The following TXNL4A variants were observed in gnomAD, a reference collection of about 807,000 sequenced individuals.
TXNL4A encodes thioredoxin like 4A.
TXNL4A carries 17 observed loss-of-function variants against 14.6 expected under a neutral mutation model. The observed-to-expected ratio is 1.16, with a 90% CI of 0.80 to 1.74. TXNL4A has a LOEUF of 1.74. TXNL4A is among the 40% of genes most tolerant of loss of function. The pLI, the probability that TXNL4A is intolerant of heterozygous loss-of-function variation, is 0.00. For synonymous variants in TXNL4A, 83 were observed against 70.6 expected (o/e 1.18, Z -0.88); for missense variants, 74 against 195.2 (o/e 0.38, Z 3.70).
intron 1 of TXNL4A, among the ~76,000 whole-genome samples, chr18:80,008,445 C>T (rs1376187111): frequency 1.3e-5 from 2 of 152,094 alleles, no homozygotes; most frequent in African/African-American, 4.8e-5. Flanking sequence ...CTGGTCCTCT[C>T]CTTTTGTCAT....
intron 1 of TXNL4A, among the ~76,000 whole-genome samples, chr18:79,980,766 A>T (rs959451461): frequency 4.6e-5 from 7 of 152,112 alleles, no homozygotes; most frequent in African/African-American, 1.7e-4. Context: ...CACACGGCCC[A>T]CTGCAGGAGC....
At chr18:80,008,440 C>T (rs543684351) in intron 1 of TXNL4A, among the ~76,000 whole-genome samples, 9 of 152,142 alleles carry the variant, frequency 5.9e-5, no homozygotes, top group Non-Finnish European at 2.9e-5. Context: ...CATGCCTGGT[C>T]CTCTCCTTTT....
At chr18:79,990,983 C>T (rs1319510387), upstream of TXNL4A, among the ~76,000 whole-genome samples, 8 of 152,076 alleles carry the variant, frequency 5.3e-5, no homozygotes, top group East Asian at 1.5e-3. Flanking sequence ...TGGCGGGCGC[C>T]TGTAGTCCCA....
chr18:79,988,553 G>A lies in TXNL4A; in HGVS notation c.-161C>T. The A allele has an allele frequency of 6.8e-6, 5 of 740,122 alleles. No individual in the cohort carries two copies. The highest frequency in any genetic ancestry group is 5.2e-5 in the South Asian group (1 of 19,080). 45.8% of individuals were successfully genotyped at this position (740,122 alleles called of 1,614,324 possible). On this transcript the variant is annotated 5_prime_UTR_variant, in exon 1 of 3. Coordinates refer to ENST00000269601, the MANE Select transcript of TXNL4A (RefSeq NM_006701.5). ...CAAACTCCGCTGGGACTGCCACCCGGCAGAACGTCTGGGCGCGCACGCACC... is the reference window on the plus strand; with the variant it reads ...CAAACTCCGCTGGGACTGCCACCCGACAGAACGTCTGGGCGCGCACGCACC...
At position 79,988,196 on chromosome 18, in the gene TXNL4A, A is replaced by G; in HGVS notation, c.153+44T>C. The G allele has an allele frequency of 5.5e-6, 8 of 1,460,742 alleles. No homozygotes were observed. In the East Asian group the frequency reaches 2.1e-4, roughly 38 times the overall value. 90.5% of individuals were successfully genotyped at this position (1,460,742 alleles called of 1,614,324 possible). On this transcript the variant is annotated intron_variant, in intron 1 of 2. Coordinates refer to ENST00000269601, the MANE Select transcript of TXNL4A (RefSeq NM_006701.5). ...CCGGCAGGGCAGAGGCGCGGGGCAG[A>G]TGCGGAAGCACAGCCCGCAGAGCGG...
intron 1 of TXNL4A, among the ~76,000 whole-genome samples, chr18:80,007,428 A>C (rs2051738868): frequency 6.6e-6 from 1 of 152,192 alleles, no homozygotes; most frequent in Non-Finnish European, 1.5e-5. Context: ...AGAGAAACAG[A>C]ACAGAGCAGG....
chr18:79,971,773 G>A lies in TXNL4A; in HGVS notation c.*1912C>T, dbSNP rs531018136. 2.6e-5 allele frequency: 4 copies of A among 152,262 alleles called. No homozygotes were observed. In the South Asian group the frequency reaches 6.2e-4, roughly 24 times the overall value. The allele number at this position is 152,262 out of a possible 1,614,324, so 9.4% of individuals were successfully genotyped here. ...GCCGAACTTGTAGGTGTGAAGTGGCGTCTCACTGTGGTTTTGATTTGCACC... is the reference window on the plus strand; with the variant it reads ...GCCGAACTTGTAGGTGTGAAGTGGCATCTCACTGTGGTTTTGATTTGCACC... On this transcript the variant is annotated 3_prime_UTR_variant, in exon 3 of 3. Coordinates refer to ENST00000269601, the MANE Select transcript of TXNL4A (RefSeq NM_006701.5).
chr18:80,006,211 T>C (rs544210347), intron 1 of TXNL4A, among the ~76,000 whole-genome samples: 4 of 152,040 alleles, frequency 2.6e-5, no homozygotes, highest in South Asian at 2.1e-4. Flanking sequence ...TGGTGAAACC[T>C]TGTCTCTACT....
chr18:80,022,899 G>A (rs1036917333), intron 1 of TXNL4A, among the ~76,000 whole-genome samples: 2 of 152,180 alleles, frequency 1.3e-5, no homozygotes, highest in Middle Eastern at 3.2e-3. Flanking sequence ...ACCTGTGCAA[G>A]ACCCTAGCTT....
upstream of TXNL4A, among the ~76,000 whole-genome samples, chr18:79,993,273 G>A (rs550159654): frequency 1.4e-4 from 22 of 152,042 alleles, no homozygotes; most frequent in African/African-American, 4.3e-4. The surrounding 1 kb of genome is among the most constrained non-coding windows in gnomAD (Gnocchi z 4.4). Flanking sequence ...AGGGATCCCT[G>A]ATCTTCCAGT....
chr18:80,006,006 T>A (rs2051727847), intron 1 of TXNL4A, among the ~76,000 whole-genome samples: 2 of 152,106 alleles, frequency 1.3e-5, no homozygotes. Flanking sequence ...AATTTTGTAG[T>A]CCCAAGTACT....
At chr18:79,986,891 T>G (rs116384147) in intron 1 of TXNL4A, 1 of 483,308 alleles carries the variant, frequency 2.1e-6, no homozygotes, top group Admixed American at 6.4e-5. Flanking sequence ...GCTCAAGCAA[T>G]GACAAACTGA....
chr18:80,018,766 C>T (rs980843110), intron 1 of TXNL4A, among the ~76,000 whole-genome samples: 1 of 152,162 alleles, frequency 6.6e-6, no homozygotes, highest in Non-Finnish European at 1.5e-5. Flanking sequence ...AAACAAAATG[C>T]TTTTAACAGC....
At chr18:80,008,190 T>C (rs2051745384) in intron 1 of TXNL4A, among the ~76,000 whole-genome samples, 1 of 152,180 alleles carries the variant, frequency 6.6e-6, no homozygotes, top group African/African-American at 2.4e-5. Context: ...CCAGCTTCAG[T>C]GTGACTTTGT....
rs1442969901 is a variant in TXNL4A, at chr18:79,977,709, G to A, written c.154-8C>T. ...AACTGCAAAATTTTTAACCTAAAAG[G>A]AGATTAAAAAAAAAAACTGAAATAA... On this transcript the variant is annotated splice_region_variant and splice_polypyrimidine_tract_variant and intron_variant, in intron 1 of 2. Coordinates refer to ENST00000269601, the MANE Select transcript of TXNL4A (RefSeq NM_006701.5). 5 of 1,501,640 alleles carry A rather than the reference G, an allele frequency of 3.3e-6. No homozygotes were observed. Among genetic ancestry groups the A allele is most frequent in the Non-Finnish European group, 4.6e-6 (5 of 1,097,262 alleles). 93.0% of individuals were successfully genotyped at this position (1,501,640 alleles called of 1,614,324 possible).
chr18:79,990,451 A>C (rs540661529), upstream of TXNL4A, among the ~76,000 whole-genome samples: 2 of 152,322 alleles, frequency 1.3e-5, no homozygotes, highest in East Asian at 3.9e-4. Context: ...TTCCTCATCC[A>C]TGAGATGGGA....
intron 1 of TXNL4A, among the ~76,000 whole-genome samples, chr18:80,020,523 G>C (rs2051841624): frequency 6.6e-6 from 1 of 152,188 alleles, no homozygotes; most frequent in South Asian, 2.1e-4. Context: ...TTTTGCTTAG[G>C]TAACCAAATG....
At chr18:79,979,762 T>C (rs991950461) in intron 1 of TXNL4A, 2 of 152,278 alleles carry the variant, frequency 1.3e-5, no homozygotes, top group African/African-American at 4.8e-5. Context: ...ATTAATATTA[T>C]TCATCTGTGA....
chr18:79,975,590 C>A (rs1032928033), intron 2 of TXNL4A, among the ~76,000 whole-genome samples: 1 of 152,102 alleles, frequency 6.6e-6, no homozygotes, highest in African/African-American at 2.4e-5. Context: ...TTCTGAGGGG[C>A]AAAATAGAAA....
Sources: allele counts gnomAD v4.1 joint callset (sites outside exome capture counted in the v4.1 genomes callset), GRCh38; gene constraint gnomAD v4.1.1; non-coding constraint Gnocchi (gnomAD v3.1); transcripts MANE v1.5; gene names NCBI Gene and HGNC (gene_info 2026-07-23, HGNC 2026-07-21).